SLC24A2: variants seen among roughly 807,000 people sequenced by gnomAD.
The protein encoded by SLC24A2 is solute carrier family 24 member 2, also known as sodium/potassium/calcium exchanger 2.
SLC24A2 carries 36 observed loss-of-function variants against 62.0 expected under a neutral mutation model. The ratio of observed to expected loss-of-function variants is 0.58; its 90% CI spans 0.44 to 0.77. The LOEUF is 0.77. Among genes scored for constraint, SLC24A2 ranks in the 30% least tolerant of loss-of-function variants. The pLI, the probability that SLC24A2 is intolerant of heterozygous loss-of-function variation, is 0.00. For missense variants in SLC24A2, 846 were observed against 817.9 expected, an observed-to-expected ratio of 1.03 and a Z score of -0.42; for synonymous variants, 358 against 294.0, an observed-to-expected ratio of 1.22 and a Z score of -2.23.
chr9:19,702,569 C>A (rs999511176), intron 2 of SLC24A2, among the ~76,000 whole-genome samples: 1 of 152,150 alleles, frequency 6.6e-6, no homozygotes, highest in Non-Finnish European at 1.5e-5. Context: ...GCTCCCAGAA[C>A]TGGTCTTTCA....
the SLC24A2 span, among the ~76,000 whole-genome samples, chr9:19,899,143 C>A: frequency 6.6e-6 from 1 of 152,198 alleles, no homozygotes; most frequent in Non-Finnish European, 1.5e-5. Flanking sequence ...ACCCTGCTGT[C>A]TTCTAAGTCA....
chr9:19,541,633 T>A (rs1185972828), intron 8 of SLC24A2, among the ~76,000 whole-genome samples: 193 of 148,224 alleles, frequency 1.3e-3, no homozygotes, highest in African/African-American at 4.5e-3. Flanking sequence ...GACACTTAAG[T>A]CTGCAGAGGT....
the SLC24A2 span, among the ~76,000 whole-genome samples, chr9:20,231,672 A>G: frequency 6.6e-6 from 1 of 152,162 alleles, no homozygotes; most frequent in Non-Finnish European, 1.5e-5. Flanking sequence ...AAATCATGTC[A>G]TCTGCAAACA....
the SLC24A2 span, among the ~76,000 whole-genome samples, chr9:20,191,305 G>C: frequency 2.0e-5 from 3 of 151,976 alleles, no homozygotes; most frequent in Non-Finnish European, 2.9e-5. Flanking sequence ...TGTTTCTGCG[G>C]ACATAAAAAT....
At chr9:19,724,926 G>A (rs1167409232) in intron 2 of SLC24A2, among the ~76,000 whole-genome samples, 2 of 152,054 alleles carry the variant, frequency 1.3e-5, no homozygotes, top group Non-Finnish European at 2.9e-5. Context: ...ACAACCTCAA[G>A]CGCCAGTCAA....
At chr9:19,562,239 A>AG (rs1835439369) in intron 7 of SLC24A2, among the ~76,000 whole-genome samples, 1 of 152,230 alleles carries the variant, frequency 6.6e-6, no homozygotes, top group Admixed American at 6.5e-5. Flanking sequence ...GAGAAACATA[A>AG]AAAATAATTC....
chr9:20,004,958 C>T, the SLC24A2 span, among the ~76,000 whole-genome samples: 2 of 152,062 alleles, frequency 1.3e-5, no homozygotes, highest in Middle Eastern at 6.8e-3. Context: ...GTATCTGATA[C>T]TAAATAAGAG....
At chr9:20,118,039 T>C in the SLC24A2 span, among the ~76,000 whole-genome samples, 1 of 152,118 alleles carries the variant, frequency 6.6e-6, no homozygotes, top group East Asian at 1.9e-4. Context: ...TTATATTAAA[T>C]TATTACTCCA....
chr9:19,539,331 T>G (rs529855757), intron 8 of SLC24A2, among the ~76,000 whole-genome samples: 3,890 of 142,172 alleles, frequency 0.027, 193 homozygotes, highest in African/African-American at 0.097. Flanking sequence ...TGCTTTCTCT[T>G]GTAGGCATTT....
chr9:20,069,364 C>T, the SLC24A2 span, among the ~76,000 whole-genome samples: 4 of 152,214 alleles, frequency 2.6e-5, no homozygotes, highest in African/African-American at 7.2e-5. Flanking sequence ...GTAATCTTCC[C>T]GTGACAGCAC....
chr9:20,267,477 T>G, the SLC24A2 span, among the ~76,000 whole-genome samples: 1 of 152,146 alleles, frequency 6.6e-6, no homozygotes, highest in Non-Finnish European at 1.5e-5. Flanking sequence ...AGCTACACTG[T>G]CCTGTCAGGC....
At chr9:20,194,706 C>T in the SLC24A2 span, among the ~76,000 whole-genome samples, 1 of 152,100 alleles carries the variant, frequency 6.6e-6, no homozygotes, top group African/African-American at 2.4e-5. Flanking sequence ...CTGTCTCTCA[C>T]AGTATTTTTT....
chr9:20,188,096 C>T, the SLC24A2 span, among the ~76,000 whole-genome samples: 1 of 149,096 alleles, frequency 6.7e-6, no homozygotes, highest in Non-Finnish European at 1.5e-5. Flanking sequence ...GGTTTTCTAT[C>T]CTGTCAGAAG....
intron 2 of SLC24A2, among the ~76,000 whole-genome samples, chr9:19,626,358 A>G (rs532038553): frequency 2.2e-4 from 33 of 152,322 alleles, no homozygotes; most frequent in African/African-American, 7.7e-4. Flanking sequence ...CTTACAAATC[A>G]CATATCAAAT....
At chr9:19,948,629 G>A in the SLC24A2 span, among the ~76,000 whole-genome samples, 985 of 151,834 alleles carry the variant, frequency 6.5e-3, 21 homozygotes, top group Middle Eastern at 0.034. Flanking sequence ...AGGCCGAGGC[G>A]GGCGGATCAC....
At chr9:20,062,149 A>C in the SLC24A2 span, among the ~76,000 whole-genome samples, 8 of 152,160 alleles carry the variant, frequency 5.3e-5, no homozygotes, top group African/African-American at 1.7e-4. Flanking sequence ...GGATCACTTG[A>C]GCCCAAAAGT....
rs1563990028 is a variant in SLC24A2 at position 19,599,276 on chromosome 9, G to A, written c.1079-1997C>T. Among the ~76,000 whole-genome samples the A allele has an allele frequency of 6.6e-6, 1 of 152,172 alleles. No individual in the cohort carries two copies. The highest frequency in any genetic ancestry group is 6.5e-5 in the Admixed American group (1 of 15,280). On this transcript the variant is annotated intron_variant, in intron 4 of 10. Coordinates refer to ENST00000341998, the MANE Select transcript of SLC24A2 (RefSeq NM_020344.4). The surrounding 1 kb of genome is among the most constrained non-coding windows in gnomAD (Gnocchi z 4.5). ...ACAAAGCTCACACATTCTCGACAAC[G>A]TGGCAATGTCTAGATCGCTTCTTAG...
the SLC24A2 span, among the ~76,000 whole-genome samples, chr9:20,292,090 G>T: frequency 6.6e-6 from 1 of 151,910 alleles, no homozygotes; most frequent in Non-Finnish European, 1.5e-5. Context: ...GGGGTGTTGT[G>T]TTTCTACACA....
intron 2 of SLC24A2, among the ~76,000 whole-genome samples, chr9:19,658,280 AGT>A (rs1491536727): frequency 9.8e-5 from 15 of 152,370 alleles, no homozygotes; most frequent in South Asian, 4.1e-4. Context: ...CAGGTTGATA[AGT>A]GGTGGTGGGG....
Sources: gnomAD v4.1 joint callset for allele counts (sites outside exome capture counted in the v4.1 genomes callset) on GRCh38, gnomAD v4.1.1 for gene constraint, Gnocchi (gnomAD v3.1) non-coding constraint, MANE v1.5 for transcripts, NCBI Gene and HGNC (gene_info 2026-07-23, HGNC 2026-07-21) for gene names.